SLC9A9: variants seen among roughly 807,000 people sequenced by gnomAD.
SLC9A9 encodes the protein solute carrier family 9 member A9.
A neutral mutation model predicts 77.8 loss-of-function variants in SLC9A9; 62 were observed. That is an observed-to-expected ratio of 0.80 (90% confidence interval 0.65 to 0.98). The LOEUF (loss-of-function observed/expected upper bound fraction) is 0.98, where lower values mean the gene tolerates loss of function less well. SLC9A9 is among the 50% of genes least tolerant of loss of function. The pLI, the probability that SLC9A9 is intolerant of heterozygous loss-of-function variation, is 0.00. For missense variants in SLC9A9, 775 were observed against 774.9 expected (o/e 1.00, Z 0.00); for synonymous variants, 320 against 283.5 (o/e 1.13, Z -1.29).
At chr3:143,499,557 C>T (rs1035557757) in intron 9 of SLC9A9, among the ~76,000 whole-genome samples, 1 of 152,042 alleles carries the variant, frequency 6.6e-6, no homozygotes, top group Non-Finnish European at 1.5e-5. Flanking sequence ...TTTCCACAGT[C>T]ATGTTGCTTT....
chr3:143,287,396 G>GA (rs551815888), intron 14 of SLC9A9, among the ~76,000 whole-genome samples: 55 of 149,574 alleles, frequency 3.7e-4, no homozygotes, highest in East Asian at 1.2e-3. Flanking sequence ...GACAAGAAGG[G>GA]AAAAAAAAAC....
chr3:143,724,963 T>G (rs1934599193), intron 4 of SLC9A9, among the ~76,000 whole-genome samples: 1 of 151,714 alleles, frequency 6.6e-6, no homozygotes, highest in African/African-American at 2.4e-5. Flanking sequence ...AGAAACAGAG[T>G]TTACACAAGA....
At position 143,645,963 on chromosome 3, in the gene SLC9A9, A is replaced by G. The variant is rs186027850; in HGVS notation, c.755+6292T>C. On this transcript the variant is annotated intron_variant, in intron 6 of 15. Coordinates refer to ENST00000316549, the MANE Select transcript of SLC9A9 (RefSeq NM_173653.4). ...TTATTTTATGAGTAGGTTTCAGTAC[A>G]ACAATAGCAGTATTTCTGTTTTGCA... Among the ~76,000 whole-genome samples, 39 of 152,094 alleles carry G rather than the reference A, an allele frequency of 2.6e-4. 1 individual carries two copies. The highest frequency in any genetic ancestry group is 2.9e-5 in the Non-Finnish European group (2 of 68,012).
Position 143,419,886 on chromosome 3 carries a change from T to C in SLC9A9, c.1470-37772A>G, listed in dbSNP as rs143701282. ...GCAGATGCCAACTCATCTGATTGTG[T>C]TGGAGAAATACTGTGGCAACAAGAT... On this transcript the variant is annotated intron_variant, in intron 12 of 15. Transcript: ENST00000316549. 4.7e-4 allele frequency among the ~76,000 whole-genome samples: 72 copies of C among 152,318 alleles called. 1 individual carries two copies. Among genetic ancestry groups the C allele is most frequent in the Non-Finnish European group, 8.1e-4 (55 of 68,014 alleles).
At chr3:143,321,552 G>A (rs1349573446) in intron 14 of SLC9A9, among the ~76,000 whole-genome samples, 1 of 152,114 alleles carries the variant, frequency 6.6e-6, no homozygotes, top group African/African-American at 2.4e-5. Context: ...TTGAGGCTTT[G>A]TGTTCTACTT....
chr3:143,840,212 A>G (rs1377354697), intron 1 of SLC9A9, among the ~76,000 whole-genome samples: 1 of 126,836 alleles, frequency 7.9e-6, no homozygotes, highest in Non-Finnish European at 1.8e-5. Flanking sequence ...CAGGAAACAC[A>G]CTGAGAAGCA....
intron 5 of SLC9A9, among the ~76,000 whole-genome samples, chr3:143,679,020 G>A (rs920461882): frequency 9.9e-5 from 15 of 151,482 alleles, no homozygotes; most frequent in Non-Finnish European, 2.9e-5. Context: ...ATTGATGTGT[G>A]TGGGAAAGAG....
At chr3:143,269,021 G>A (rs758066536) in intron 14 of SLC9A9, 41 bp from the exon 15 acceptor site, 14 of 1,443,578 alleles carry the variant, frequency 9.7e-6, no homozygotes, top group Non-Finnish European at 9.7e-7. Flanking sequence ...CAGGGAGTTA[G>A]GATTTAGGAA....
intron 13 of SLC9A9, among the ~76,000 whole-genome samples, chr3:143,364,814 T>G (rs752831898): frequency 1.3e-5 from 2 of 152,224 alleles, no homozygotes; most frequent in Admixed American, 6.5e-5. Flanking sequence ...TTTTGTCTTT[T>G]TCATTGATTG....
chr3:143,779,433 A>G lies in SLC9A9; in HGVS notation c.533+15568T>C, dbSNP rs967975411. Reference sequence around the variant, plus strand: ...GTTGCCCAGGCTGGCGTGAAGTGGCACAATCTCGGCTCACTGCAACCTCCT... The same window carrying G: ...GTTGCCCAGGCTGGCGTGAAGTGGCGCAATCTCGGCTCACTGCAACCTCCT... On this transcript the variant is annotated intron_variant, in intron 4 of 15. Transcript: ENST00000316549. Among the ~76,000 whole-genome samples, 3 of 152,196 alleles carry G rather than the reference A, an allele frequency of 2.0e-5. No homozygotes were observed. The East Asian group carries it at 5.8e-4, about 29-fold the overall frequency.
At chr3:143,703,332 T>G (rs1170528429) in intron 4 of SLC9A9, among the ~76,000 whole-genome samples, 2 of 151,944 alleles carry the variant, frequency 1.3e-5, no homozygotes, top group African/African-American at 2.4e-5. Flanking sequence ...AAATAAATCT[T>G]AAAACATTAA....
At chr3:143,819,744 A>G (rs981710781) in intron 2 of SLC9A9, among the ~76,000 whole-genome samples, 1 of 152,254 alleles carries the variant, frequency 6.6e-6, no homozygotes. Context: ...CCAATTAGTC[A>G]TAATAGTAAG....
chr3:143,574,247 T>C, intron 7 of SLC9A9, 54 bp from the exon 8 acceptor site: 2 of 1,416,396 alleles, frequency 1.4e-6, no homozygotes, highest in Non-Finnish European at 2.0e-6. Context: ...TACATCTCCT[T>C]CTTGGCTGAG....
chr3:143,679,092 G>T (rs559323670), intron 5 of SLC9A9, among the ~76,000 whole-genome samples: 1 of 143,784 alleles, frequency 7.0e-6, no homozygotes, highest in African/African-American at 2.5e-5. Context: ...GGCAATGGGC[G>T]GCTACACACA....
intron 4 of SLC9A9, among the ~76,000 whole-genome samples, chr3:143,758,623 T>G (rs1282520492): frequency 6.6e-6 from 1 of 152,008 alleles, no homozygotes; most frequent in Admixed American, 6.6e-5. Context: ...TCAGACAATT[T>G]CAAAATAGAG....
intron 4 of SLC9A9, among the ~76,000 whole-genome samples, chr3:143,732,637 G>T (rs1464785811): frequency 6.6e-6 from 1 of 152,204 alleles, no homozygotes; most frequent in Non-Finnish European, 1.5e-5. Context: ...TTGCTTAAAT[G>T]TTTAATGTGC....
At chr3:143,505,858 T>G (rs1049287619) in intron 9 of SLC9A9, among the ~76,000 whole-genome samples, 1 of 152,222 alleles carries the variant, frequency 6.6e-6, no homozygotes, top group Non-Finnish European at 1.5e-5. Flanking sequence ...CTAGATTTCC[T>G]GAAACCCTCA....
Position 143,832,060 on chromosome 3 carries a change from G to T in SLC9A9, c.337C>A (p.His113Asn). ...EYKYKREISQ[H>N]NINPHQGNAI... ...TTTCCTTGATGAGGATTGATGTTGT[G>T]CTGACTTATTTCTCTTTTGTATTTA... The change falls in exon 2 of 16, where the codon CAC (histidine) becomes AAC (asparagine). Residue 113 changes from histidine to asparagine, a missense_variant. Transcript: ENST00000316549. The T allele has an allele frequency of 1.2e-6, 2 of 1,612,842 alleles. No individual in the cohort carries two copies. The highest frequency in any genetic ancestry group is 8.5e-7 in the Non-Finnish European group (1 of 1,179,348).
intron 2 of SLC9A9, among the ~76,000 whole-genome samples, chr3:143,818,708 T>TCG (rs2009084355): frequency 4.5e-5 from 1 of 22,396 alleles, no homozygotes; most frequent in African/African-American, 6.4e-5. Context: ...TTGAGTTTTT[T>TCG]CACTTTTCAA....
Sources: allele counts gnomAD v4.1 joint callset (sites outside exome capture counted in the v4.1 genomes callset), GRCh38; gene constraint gnomAD v4.1.1; transcripts MANE v1.5; gene names NCBI Gene and HGNC (gene_info 2026-07-23, HGNC 2026-07-21).